Variants in CD46 observed in about 807,000 individuals in gnomAD.
CD46 encodes the protein membrane cofactor protein.
In CD46, 30 loss-of-function variants were observed where a neutral mutation model predicts 53.3. The ratio of observed to expected loss-of-function variants is 0.56; its 90% CI spans 0.42 to 0.76. The LOEUF is 0.76. Ranked by LOEUF, CD46 falls within the 30% of genes least tolerant of loss-of-function variation. The probability of loss-of-function intolerance (pLI) is 0.00; values close to 1 mark genes in which losing one functional copy is unlikely to be tolerated. For synonymous variants in CD46, 142 were observed against 152.0 expected, an observed-to-expected ratio of 0.93 and a Z score of 0.48; for missense variants, 409 against 463.0, an observed-to-expected ratio of 0.88 and a Z score of 1.07.
At chr1:207,775,176 A>G (rs760390463) in intron 8 of CD46, among the ~76,000 whole-genome samples, 4 of 152,120 alleles carry the variant, frequency 2.6e-5, no homozygotes, top group East Asian at 3.9e-4. Context: ...CGAATCAGCT[A>G]TTGAAGCTTG....
rs1177838754 is a variant in CD46 at position 207,793,982 on chromosome 1, T to G, written c.*505T>G. On this transcript the variant is annotated 3_prime_UTR_variant, in exon 13 of 13. Transcript: ENST00000367042. Reference sequence around the variant, plus strand: ...GATTAATGCCAACTCTTAAGATTATTCTTTCACCAACTATAGAATGTATTT... The same window carrying G: ...GATTAATGCCAACTCTTAAGATTATGCTTTCACCAACTATAGAATGTATTT... The G allele has an allele frequency of 9.4e-6, 2 of 211,646 alleles. No homozygotes were observed. The highest frequency in any genetic ancestry group is 1.9e-5 in the Non-Finnish European group (2 of 102,736). The allele number at this position is 211,646 out of a possible 1,614,324, so 13.1% of individuals were successfully genotyped here. A position where few individuals can be genotyped will look rare whatever the true frequency, so the allele number is the denominator to read the frequency against.
rs757403112 is a variant in CD46, at chr1:207,767,026, A to G, written c.687A>G (p.Arg229=). The part of the protein sequence containing the change: ...AAPECKVVKC[R]FPVVENGKQI... ...CTAATTTTCCAGTGGTCAAATGTCG[A>G]TTTCCAGTAGTCGAAAATGGAAAAC... Residue 229 remains arginine (R), a synonymous_variant, in exon 6 of 13, where the codon CGA becomes CGG. Coordinates refer to ENST00000367042, the MANE Select transcript of CD46 (RefSeq NM_172351.3). 1 of 1,613,568 alleles carries G rather than the reference A, an allele frequency of 6.2e-7. No individual in the cohort carries two copies. The highest frequency in any genetic ancestry group is 1.1e-5 in the South Asian group (1 of 91,068).
chr1:207,774,693 G>C (rs1657903305), intron 8 of CD46, among the ~76,000 whole-genome samples: 2 of 152,210 alleles, frequency 1.3e-5, no homozygotes, highest in African/African-American at 4.8e-5. Context: ...TTTTCTTTAA[G>C]AATGTTGAAT....
rs984216571 is a variant in CD46, at chr1:207,752,927, C to G, written c.97+618C>G. Among the ~76,000 whole-genome samples the G allele has an allele frequency of 6.6e-6, 1 of 151,784 alleles. No individual in the cohort carries two copies. The highest frequency in any genetic ancestry group is 2.4e-5 in the African/African-American group (1 of 41,272). ...GCTTTGAATGGAGTGAGCGCGGACT[C>G]TGGGGCTAGGGAGGGCATGTTGAGT... On this transcript the variant is annotated intron_variant, in intron 1 of 12. Coordinates refer to ENST00000367042, the MANE Select transcript of CD46 (RefSeq NM_172351.3). This position sits in a 1 kb window ranked among gnomAD's most constrained non-coding sequence, Gnocchi z 4.1.
At chr1:207,771,736 A>G (rs1468811886) in intron 8 of CD46, among the ~76,000 whole-genome samples, 1 of 152,092 alleles carries the variant, frequency 6.6e-6, no homozygotes, top group East Asian at 1.9e-4. Flanking sequence ...TAAGGCCTCT[A>G]TTCTGTTCCA....
chr1:207,752,446 TC>T lies in CD46; in HGVS notation c.97+140del. 1.2e-6 allele frequency: 1 copy of T among 834,356 alleles called. No homozygotes were observed. The highest frequency in any genetic ancestry group is 2.0e-6 in the Non-Finnish European group (1 of 488,306). The allele number at this position is 834,356 out of a possible 1,614,324, so 51.7% of individuals were successfully genotyped here. On this transcript the variant is annotated intron_variant, in intron 1 of 12. Coordinates refer to ENST00000367042, the MANE Select transcript of CD46 (RefSeq NM_172351.3). This position sits in a 1 kb window ranked among gnomAD's most constrained non-coding sequence, Gnocchi z 4.1. ...TTCTCTGAGGGGTGCAGTGCTCAGA[TC>T]CCGGGGGTATGTGGCGGGGAATGCG... is the stretch of plus-strand genomic sequence containing the variant.
intron 7 of CD46, chr1:207,770,023 C>T: frequency 9.1e-6 from 3 of 329,666 alleles, no homozygotes; most frequent in Non-Finnish European, 1.1e-5. Context: ...GCCTCGGCCT[C>T]CCACAGTGCT....
intron 8 of CD46, among the ~76,000 whole-genome samples, chr1:207,782,742 G>A (rs574576150): frequency 4.1e-4 from 61 of 147,960 alleles, no homozygotes; most frequent in South Asian, 6.4e-4. Context: ...CCGCCTCCCG[G>A]GTTCAAGCGA....
intron 12 of CD46, among the ~76,000 whole-genome samples, chr1:207,791,279 A>AT (rs1274296044): frequency 6.6e-6 from 1 of 152,070 alleles, no homozygotes; most frequent in African/African-American, 2.4e-5. Context: ...TCTCTTAAGC[A>AT]TGTATACCTA....
intron 7 of CD46, chr1:207,768,788 G>A (rs1657132202): frequency 6.6e-6 from 1 of 152,190 alleles, no homozygotes; most frequent in African/African-American, 2.4e-5. Flanking sequence ...TAGCACTTCA[G>A]TCTGGGCAGA....
Position 207,752,173 on chromosome 1 carries a change from G to A in CD46, c.-40G>A, listed in dbSNP as rs766980740. The A allele has an allele frequency of 1.6e-5, 25 of 1,593,450 alleles. No homozygotes were observed. Among genetic ancestry groups the A allele is most frequent in the Non-Finnish European group, 2.1e-5 (25 of 1,164,458 alleles). On this transcript the variant is annotated 5_prime_UTR_variant, in exon 1 of 13. Transcript: ENST00000367042. This position sits in a 1 kb window ranked among gnomAD's most constrained non-coding sequence, Gnocchi z 4.1. ...TGCTCGGCTGGCTCTCGGTTTCTCTGCTTTCCTCCGGAGAAATAACAGCGT... is the reference window on the plus strand; with the variant it reads ...TGCTCGGCTGGCTCTCGGTTTCTCTACTTTCCTCCGGAGAAATAACAGCGT...
chr1:207,757,266 CA>C (rs1655665532), intron 2 of CD46, 64 bp downstream of exon 2: 1 of 1,328,114 alleles, frequency 7.5e-7, no homozygotes, highest in African/African-American at 1.4e-5. Flanking sequence ...TTTTGGGGTA[CA>C]TATTCCACTA....
chr1:207,757,033 A>G lies in CD46; in HGVS notation c.117A>G (p.Pro39=). 6.2e-7 allele frequency: 1 copy of G among 1,614,018 alleles called. No individual in the cohort carries two copies. Among genetic ancestry groups the G allele is most frequent in the Non-Finnish European group, 8.5e-7 (1 of 1,179,906 alleles). Residue 39 remains proline (P), a synonymous_variant, in exon 2 of 13, where the codon CCA becomes CCG. Coordinates refer to ENST00000367042, the MANE Select transcript of CD46 (RefSeq NM_172351.3). Reference sequence around the variant, plus strand: ...CCCTAGATGCCTGTGAGGAGCCACCAACATTTGAAGCTATGGAGCTCATTG... The same window carrying G: ...CCCTAGATGCCTGTGAGGAGCCACCGACATTTGAAGCTATGGAGCTCATTG... ...YSFSDACEEP[P]TFEAMELIGK...
At chr1:207,763,133 C>G (rs951240384) in intron 5 of CD46, 1 of 152,362 alleles carries the variant, frequency 6.6e-6, no homozygotes, top group East Asian at 1.9e-4. Context: ...CTGACCCACA[C>G]GATGGGAGGT....
intron 2 of CD46, 92 bp downstream of exon 2, chr1:207,757,294 C>A: frequency 8.4e-7 from 1 of 1,187,718 alleles, no homozygotes; most frequent in East Asian, 2.3e-5. Context: ...TGATGATTTT[C>A]TTCTTGTAAA....
intron 8 of CD46, among the ~76,000 whole-genome samples, chr1:207,772,124 G>A (rs1303699089): frequency 6.6e-6 from 1 of 152,138 alleles, no homozygotes; most frequent in African/African-American, 2.4e-5. Context: ...TCCATCCCTT[G>A]TAAGTTGGAT....
intron 5 of CD46, among the ~76,000 whole-genome samples, chr1:207,765,484 G>T (rs1656737755): frequency 6.6e-6 from 1 of 152,144 alleles, no homozygotes; most frequent in Non-Finnish European, 1.5e-5. Context: ...AAACAGTGAG[G>T]ATGTCCACTC....
At chr1:207,777,329 A>G (rs564550671) in intron 8 of CD46, among the ~76,000 whole-genome samples, 1 of 152,198 alleles carries the variant, frequency 6.6e-6, no homozygotes, top group Non-Finnish European at 1.5e-5. Context: ...GTACATCAAC[A>G]TCTTTTTTTA....
chr1:207,767,192 A>G lies in CD46; in HGVS notation c.853A>G (p.Lys285Glu), dbSNP rs1414627490. The change falls in exon 6 of 13, where the codon AAA becomes GAA. Residue 285 changes from lysine to glutamate, a missense_variant. Coordinates refer to ENST00000367042, the MANE Select transcript of CD46 (RefSeq NM_172351.3). The part of the protein sequence containing the change: ...TWDPPVPKCL[K>E]VSTSSTTKSP... ...GGATCCCCCAGTTCCAAAGTGTCTT[A>G]AAGGTACAAAGGTTATCTTTTTTCT... The G allele has an allele frequency of 2.5e-6, 4 of 1,611,862 alleles. No homozygotes were observed. The highest frequency in any genetic ancestry group is 2.2e-5 in the East Asian group (1 of 44,864).
Sources: allele counts gnomAD v4.1 joint callset (sites outside exome capture counted in the v4.1 genomes callset), GRCh38; gene constraint gnomAD v4.1.1; non-coding constraint Gnocchi (gnomAD v3.1); transcripts MANE v1.5; gene names NCBI Gene and HGNC (gene_info 2026-07-23, HGNC 2026-07-21).